GSR: variants seen among roughly 807,000 people sequenced by gnomAD.
The protein encoded by GSR is glutathione reductase, mitochondrial.
In GSR, 48 loss-of-function variants were observed where a neutral mutation model predicts 56.5. The ratio of observed to expected loss-of-function variants is 0.85; its 90% CI spans 0.67 to 1.08. The LOEUF is 1.08. Among genes scored for constraint, GSR ranks in the 50% least tolerant of loss-of-function variants. The pLI is 0.00. For missense variants in GSR, 694 were observed against 703.3 expected (o/e 0.99, Z 0.15); for synonymous variants, 264 against 270.8 (o/e 0.97, Z 0.25).
intron 9 of GSR, among the ~76,000 whole-genome samples, chr8:30,687,039 G>A (rs549491858): frequency 1.1e-4 from 17 of 151,416 alleles, no homozygotes; most frequent in Non-Finnish European, 1.8e-4. Flanking sequence ...ATTTCACCAC[G>A]TTGCCCAGGC....
rs1803540348 is a variant in GSR at position 30,696,380 on chromosome 8, CT to C, written c.794del (p.Lys265ArgfsTer9). 6 of 1,566,576 alleles carry C rather than the reference CT, an allele frequency of 3.8e-6. No individual in the cohort carries two copies. The highest frequency in any genetic ancestry group is 4.4e-6 in the Non-Finnish European group (5 of 1,136,858). ...SKTSLMIRHD[K>X]VLRSFDSMIS... ...GCGAAAAGAAAAAGGTGGCATTTACCTTATCATGCCGTATCATCAGTGATGT... is the reference window on the plus strand; with the variant it reads ...GCGAAAAGAAAAAGGTGGCATTTACCTATCATGCCGTATCATCAGTGATGT... On this transcript the variant is annotated frameshift_variant and splice_region_variant, in exon 7 of 13. Transcript: ENST00000221130. LOFTEE classifies it high-confidence loss of function.
chr8:30,710,166 A>C (rs1804080300), intron 2 of GSR, among the ~76,000 whole-genome samples: 1 of 151,798 alleles, frequency 6.6e-6, no homozygotes, highest in Non-Finnish European at 1.5e-5. Context: ...AAATACAAAA[A>C]TTAGCTGGGT....
intron 10 of GSR, among the ~76,000 whole-genome samples, chr8:30,683,386 A>T (rs1356458979): frequency 6.6e-6 from 1 of 152,156 alleles, no homozygotes; most frequent in African/African-American, 2.4e-5. Context: ...AGATCAAGTG[A>T]TCATTAATGG....
At chr8:30,727,452 T>A in intron 1 of GSR, 78 bp downstream of exon 1, 5 of 1,332,468 alleles carry the variant, frequency 3.8e-6, no homozygotes, top group Non-Finnish European at 5.1e-6. Context: ...AGGATCGCCA[T>A]AGGAACGAGC....
intron 2 of GSR, among the ~76,000 whole-genome samples, chr8:30,711,523 A>G (rs1804140868): frequency 6.6e-6 from 1 of 152,176 alleles, no homozygotes; most frequent in Non-Finnish European, 1.5e-5. Flanking sequence ...AGAAAAAACT[A>G]TCCTGTGGTG....
At chr8:30,705,605 G>C (rs886854987) in intron 4 of GSR, among the ~76,000 whole-genome samples, 1 of 152,098 alleles carries the variant, frequency 6.6e-6, no homozygotes, top group East Asian at 1.9e-4. Flanking sequence ...GTGGGACAGT[G>C]CTTATAGCCC....
intron 9 of GSR, among the ~76,000 whole-genome samples, chr8:30,685,378 A>T (rs1283822963): frequency 6.6e-6 from 1 of 152,140 alleles, no homozygotes; most frequent in Non-Finnish European, 1.5e-5. Context: ...GGTGTGAGCC[A>T]CCATGCCTGG....
intron 1 of GSR, among the ~76,000 whole-genome samples, chr8:30,715,212 G>GA (rs1201048531): frequency 1.3e-5 from 2 of 152,106 alleles, no homozygotes; most frequent in African/African-American, 4.8e-5. Context: ...AGGATCTCTT[G>GA]AGCCCAGGAG....
intron 6 of GSR, among the ~76,000 whole-genome samples, chr8:30,698,569 A>G (rs1381898136): frequency 1.3e-5 from 2 of 152,226 alleles, no homozygotes; most frequent in Admixed American, 6.5e-5. Flanking sequence ...GGTCTGAGGT[A>G]TCTTCAAGGG....
intron 8 of GSR, among the ~76,000 whole-genome samples, chr8:30,692,495 CTTT>C (rs71206280): frequency 1.7e-5 from 1 of 59,062 alleles, no homozygotes; most frequent in Non-Finnish European, 2.8e-5. Flanking sequence ...CACACCCAGA[CTTT>C]TTTTTTTTTT....
rs1292292125 is a variant in GSR, at chr8:30,727,732, G to A, written c.104C>T (p.Ala35Val). Residue 35 changes from alanine (A) to valine (V), a missense_variant, in exon 1 of 13, where the codon GCC becomes GTC. Transcript: ENST00000221130. ...GFLLLLPEPA[A>V]LTRALSRAMA... ...GGCACGGGAGAGGGCGCGCGTGAGG[G>A]CCGCGGGCTCGGGCAGAAGCAGCAG... The A allele has an allele frequency of 2.1e-6, 3 of 1,404,170 alleles. No homozygotes were observed. Among genetic ancestry groups the A allele is most frequent in the African/African-American group, 3.0e-5 (2 of 66,348 alleles). The allele number at this position is 1,404,170 out of a possible 1,614,324, so 87.0% of individuals were successfully genotyped here. A position where few individuals can be genotyped will look rare whatever the true frequency, so the allele number is the denominator to read the frequency against.
At chr8:30,692,739 T>G (rs909663295) in intron 8 of GSR, among the ~76,000 whole-genome samples, 1 of 151,914 alleles carries the variant, frequency 6.6e-6, no homozygotes, top group African/African-American at 2.4e-5. Flanking sequence ...TGACTTCAAG[T>G]GTTCCGCCCA....
intron 2 of GSR, among the ~76,000 whole-genome samples, chr8:30,711,262 CA>C (rs1563541304): frequency 6.6e-6 from 1 of 152,140 alleles, no homozygotes; most frequent in Non-Finnish European, 1.5e-5. Context: ...GAGATTACAA[CA>C]TATGTTGAAA....
chr8:30,705,872 G>A (rs992455137), intron 4 of GSR, among the ~76,000 whole-genome samples: 2 of 152,114 alleles, frequency 1.3e-5, no homozygotes, highest in Non-Finnish European at 1.5e-5. Context: ...GATTAAGGTT[G>A]GAAAATTCAC....
intron 1 of GSR, among the ~76,000 whole-genome samples, chr8:30,718,179 T>C (rs1435912891): frequency 6.6e-6 from 1 of 152,080 alleles, no homozygotes; most frequent in African/African-American, 2.4e-5. Context: ...CCTGAAACCA[T>C]ACCCCACTGC....
chr8:30,682,001 T>C lies in GSR; in HGVS notation c.1214A>G (p.Lys405Arg). The C allele has an allele frequency of 6.2e-7, 1 of 1,613,274 alleles. No individual in the cohort carries two copies. Among genetic ancestry groups the C allele is most frequent in the Non-Finnish European group, 8.5e-7 (1 of 1,179,224 alleles). Residue 405 changes from lysine (K) to arginine (R), a missense_variant, in exon 11 of 13, where the codon AAA (lysine) becomes AGA (arginine). Physicochemically the swap from Lys to Arg is conservative, Grantham distance 26. Transcript: ENST00000221130. ...HRLFEYKEDS[K>R]LDYNNIPTVV... is the part of the protein sequence containing the mutation. ...AGTTGGGATGTTGTTATAATCTAAT[T>C]TGGAATCTTCCTTATATTCAAAAAG...
chr8:30,697,647 C>A (rs1330785589), intron 6 of GSR, among the ~76,000 whole-genome samples: 1 of 152,044 alleles, frequency 6.6e-6, no homozygotes, highest in East Asian at 1.9e-4. Context: ...AAGAAAAATC[C>A]CTAATATCCC....
chr8:30,688,634 C>T (rs1411055705), intron 9 of GSR, among the ~76,000 whole-genome samples: 9 of 145,466 alleles, frequency 6.2e-5, no homozygotes, highest in Non-Finnish European at 6.0e-5. Context: ...CCAGACGTGG[C>T]GGCCTTTTTC....
rs2128750622 is a variant in GSR at position 30,727,656 on chromosome 8, G to A, written c.180C>T (p.Gly60=). 6.9e-7 allele frequency: 1 copy of A among 1,457,850 alleles called. No homozygotes were observed. Among genetic ancestry groups the A allele is most frequent in the South Asian group, 1.4e-5 (1 of 73,900 alleles). The allele number at this position is 1,457,850 out of a possible 1,614,324, so 90.3% of individuals were successfully genotyped here. ...CCAGGTAGTCATAGGAGGCCACGGC[G>A]CCAGCAGCGGGCGGCGGGCCCTGCG... ...PQPQGPPPAA[G]AVASYDYLVI... is the part of the protein sequence containing the mutation. The change falls in exon 1 of 13, where the codon GGC becomes GGT. Residue 60 remains glycine (G), a synonymous_variant. Coordinates refer to ENST00000221130, the MANE Select transcript of GSR (RefSeq NM_000637.5).
Sources: allele counts gnomAD v4.1 joint callset (sites outside exome capture counted in the v4.1 genomes callset), GRCh38; gene constraint gnomAD v4.1.1; transcripts MANE v1.5; gene names NCBI Gene and HGNC (gene_info 2026-07-23, HGNC 2026-07-21).